B3GALT1: variants seen among roughly 807,000 people sequenced by gnomAD.
B3GALT1 encodes the protein UDP-Gal:betaGlcNAc beta 1,3-galactosyltransferase, polypeptide 1.
B3GALT1 carries 10 observed loss-of-function variants against 23.2 expected under a neutral mutation model. The ratio of observed to expected loss-of-function variants is 0.43; its 90% CI spans 0.27 to 0.73. The LOEUF is 0.73. Among genes scored for constraint, B3GALT1 ranks in the 30% least tolerant of loss-of-function variants. B3GALT1 has a pLI of 0.21. For synonymous variants in B3GALT1, 156 were observed against 141.5 expected (o/e 1.10, Z -0.73); for missense variants, 299 against 405.4 (o/e 0.74, Z 2.25).
intron 4 of B3GALT1, among the ~76,000 whole-genome samples, chr2:167,858,360 A>T (rs1047910944): frequency 6.6e-6 from 1 of 151,948 alleles, no homozygotes; most frequent in Admixed American, 6.6e-5. Flanking sequence ...AAAAAAAAAA[A>T]AAAACTGCTT....
chr2:167,352,679 C>A (rs1055741669), intron 1 of B3GALT1, among the ~76,000 whole-genome samples: 16 of 151,988 alleles, frequency 1.1e-4, no homozygotes, highest in Admixed American at 3.9e-4. Flanking sequence ...CAAGATCACG[C>A]CACTGCACTC....
At chr2:167,576,520 G>T (rs1332105693) in intron 2 of B3GALT1, among the ~76,000 whole-genome samples, 108 of 122,356 alleles carry the variant, frequency 8.8e-4, no homozygotes, top group Non-Finnish European at 1.4e-3. Context: ...TTGTTTTTCT[G>T]TTTTTTTTTT....
chr2:167,755,920 A>C (rs909478872), intron 3 of B3GALT1, among the ~76,000 whole-genome samples: 1 of 152,090 alleles, frequency 6.6e-6, no homozygotes, highest in Admixed American at 6.5e-5. Flanking sequence ...GATTGCAAGG[A>C]GCCATGATGG....
intron 1 of B3GALT1, among the ~76,000 whole-genome samples, chr2:167,436,090 G>A (rs563756576): frequency 1.3e-5 from 2 of 151,942 alleles, no homozygotes; most frequent in East Asian, 1.9e-4. Context: ...TGTGACCCTC[G>A]TCTAATGGTG....
chr2:167,549,639 G>T (rs1442396889), intron 2 of B3GALT1, among the ~76,000 whole-genome samples: 2 of 152,058 alleles, frequency 1.3e-5, no homozygotes, highest in Non-Finnish European at 2.9e-5. Context: ...ACATCACTGG[G>T]TAGGCATAAG....
chr2:167,447,887 T>C (rs1002709447), intron 1 of B3GALT1, among the ~76,000 whole-genome samples: 1 of 152,112 alleles, frequency 6.6e-6, no homozygotes, highest in African/African-American at 2.4e-5. Context: ...CCCAGTGAGA[T>C]GAACCTGGTA....
intron 1 of B3GALT1, among the ~76,000 whole-genome samples, chr2:167,337,594 A>G (rs1697078832): frequency 6.6e-6 from 1 of 152,214 alleles, no homozygotes; most frequent in Non-Finnish European, 1.5e-5. Flanking sequence ...TAAAAAAAAA[A>G]CACACAACAA....
intron 2 of B3GALT1, among the ~76,000 whole-genome samples, chr2:167,602,334 T>A (rs937570098): frequency 2.0e-5 from 3 of 152,140 alleles, no homozygotes; most frequent in African/African-American, 7.2e-5. Flanking sequence ...GACAGAGAGC[T>A]GCAGTGCCAC....
intron 1 of B3GALT1, among the ~76,000 whole-genome samples, chr2:167,345,342 T>C (rs909491378): frequency 5.3e-5 from 8 of 152,138 alleles, no homozygotes; most frequent in Admixed American, 2.0e-4. Flanking sequence ...TATCACAGCA[T>C]TTTTTTCTAA....
chr2:167,600,116 C>A (rs1684849169), intron 2 of B3GALT1, among the ~76,000 whole-genome samples: 1 of 152,052 alleles, frequency 6.6e-6, no homozygotes, highest in Non-Finnish European at 1.5e-5. Flanking sequence ...TAATATAAAT[C>A]CCTAAAAAGA....
intron 4 of B3GALT1, among the ~76,000 whole-genome samples, chr2:167,830,681 CA>C (rs1444495387): frequency 6.6e-6 from 1 of 152,188 alleles, no homozygotes; most frequent in African/African-American, 2.4e-5. Flanking sequence ...TATATACCAC[CA>C]AAAAGTTTGA....
chr2:167,793,181 G>A (rs575119178), intron 3 of B3GALT1, among the ~76,000 whole-genome samples: 7 of 152,094 alleles, frequency 4.6e-5, no homozygotes, highest in Admixed American at 3.3e-4. Flanking sequence ...CATGCTGCTC[G>A]CAGGCACAGG....
chr2:167,699,651 T>A (rs1030248056), intron 3 of B3GALT1, among the ~76,000 whole-genome samples: 6 of 152,160 alleles, frequency 3.9e-5, no homozygotes, highest in Admixed American at 1.3e-4. Context: ...ATCAATAAAA[T>A]GTTAGGGAAC....
chr2:167,670,862 A>G (rs898605323), intron 3 of B3GALT1, among the ~76,000 whole-genome samples: 3 of 152,202 alleles, frequency 2.0e-5, no homozygotes, highest in African/African-American at 7.2e-5. Flanking sequence ...GAAAAAAAGA[A>G]TGAAGAAGAG....
chr2:167,767,962 G>T (rs1688006045), intron 3 of B3GALT1, among the ~76,000 whole-genome samples: 1 of 152,092 alleles, frequency 6.6e-6, no homozygotes, highest in African/African-American at 2.4e-5. Context: ...GTAGATTCTA[G>T]TCTGAGTCTG....
chr2:167,754,457 T>G (rs1236091605), intron 3 of B3GALT1, among the ~76,000 whole-genome samples: 2 of 152,162 alleles, frequency 1.3e-5, no homozygotes, highest in African/African-American at 2.4e-5. Context: ...ATACCCCATG[T>G]ATTTCTATGC....
rs137974598 is a variant in B3GALT1, at chr2:167,331,064, A to G, written c.-511+37730A>G. Among the ~76,000 whole-genome samples, 8 of 152,220 alleles carry G rather than the reference A, an allele frequency of 5.3e-5. No individual in the cohort carries two copies. In the East Asian group the frequency reaches 1.4e-3, roughly 26 times the overall value. ...ACTTGGGCTTCAATTCTGGATACAT[A>G]CAGTAGTACAGTCTGGTGTTATGAT... On this transcript the variant is annotated intron_variant, in intron 1 of 4. Coordinates refer to ENST00000392690, the MANE Select transcript of B3GALT1 (RefSeq NM_020981.4).
chr2:167,587,318 C>T (rs987369088), intron 2 of B3GALT1, among the ~76,000 whole-genome samples: 2 of 152,088 alleles, frequency 1.3e-5, no homozygotes, highest in African/African-American at 4.8e-5. Context: ...GATTATTTAG[C>T]CAATACTTAT....
At chr2:167,683,425 C>A (rs1266425493) in intron 3 of B3GALT1, among the ~76,000 whole-genome samples, 1 of 152,130 alleles carries the variant, frequency 6.6e-6, no homozygotes, top group Non-Finnish European at 1.5e-5. Context: ...GAAGTCATAG[C>A]CCAGATAAAA....
Sources: allele counts gnomAD v4.1 joint callset (sites outside exome capture counted in the v4.1 genomes callset), GRCh38; gene constraint gnomAD v4.1.1; transcripts MANE v1.5; gene names NCBI Gene and HGNC (gene_info 2026-07-23, HGNC 2026-07-21).